Variants in DCC observed in about 807,000 individuals in gnomAD.
DCC encodes DCC netrin 1 receptor.
Under a neutral mutation model 172.5 loss-of-function variants are expected in DCC, and 58 were observed. The observed-to-expected ratio is 0.34, with a 90% CI of 0.27 to 0.42. The LOEUF (loss-of-function observed/expected upper bound fraction) is 0.42, where lower values mean the gene tolerates loss of function less well. Ranked by LOEUF, DCC falls within the 10% of genes least tolerant of loss-of-function variation. The pLI is 1.00. For missense variants in DCC, 1,740 were observed against 1,791.0 expected (o/e 0.97, Z 0.51); for synonymous variants, 709 against 644.5 (o/e 1.10, Z -1.52).
intron 14 of DCC, among the ~76,000 whole-genome samples, chr18:53,333,699 G>T (rs2057558508): frequency 6.6e-6 from 1 of 152,186 alleles, no homozygotes. Flanking sequence ...GGCCTACAAT[G>T]TGGTTTGAGA....
chr18:53,429,211 GCT>G (rs145415095), intron 21 of DCC, among the ~76,000 whole-genome samples: 58,419 of 137,364 alleles, frequency 0.43, 14,188 homozygotes, highest in Non-Finnish European at 0.55. Context: ...TTACTTTGGT[GCT>G]TGCAAAAAAT....
intron 3 of DCC, among the ~76,000 whole-genome samples, chr18:52,911,943 C>A (rs2039976825): frequency 6.6e-6 from 1 of 151,878 alleles, no homozygotes; most frequent in African/African-American, 2.4e-5. Flanking sequence ...CAGATGAAGT[C>A]CATGTTTTCT....
At chr18:52,952,244 T>C (rs2040660481) in intron 5 of DCC, among the ~76,000 whole-genome samples, 1 of 152,210 alleles carries the variant, frequency 6.6e-6, no homozygotes, top group Non-Finnish European at 1.5e-5. Flanking sequence ...TCTCAAGTAT[T>C]TTCAACTTGA....
At chr18:53,238,732 T>C (rs2056241684) in intron 12 of DCC, among the ~76,000 whole-genome samples, 1 of 151,958 alleles carries the variant, frequency 6.6e-6, no homozygotes, top group Non-Finnish European at 1.5e-5. Context: ...CAGCCAAACA[T>C]GTAAAAGTGA....
At chr18:52,795,401 T>G (rs2037855343) in intron 2 of DCC, among the ~76,000 whole-genome samples, 1 of 152,010 alleles carries the variant, frequency 6.6e-6, no homozygotes. Flanking sequence ...CTAATTTGTT[T>G]GCATAGAGTT....
chr18:52,949,598 G>A (rs77897356), intron 5 of DCC, among the ~76,000 whole-genome samples: 9,001 of 152,262 alleles, frequency 0.059, 359 homozygotes, highest in South Asian at 0.15. Context: ...AAATAGCCCT[G>A]AAGATTTAAT....
At chr18:52,342,903 CA>C (rs1220246577) in intron 1 of DCC, among the ~76,000 whole-genome samples, 1 of 152,010 alleles carries the variant, frequency 6.6e-6, no homozygotes, top group Non-Finnish European at 1.5e-5. Flanking sequence ...ATTTCTTGTC[CA>C]GAGAGTCAGG....
At chr18:52,934,579 T>C (rs1426420899) in intron 5 of DCC, among the ~76,000 whole-genome samples, 1 of 152,194 alleles carries the variant, frequency 6.6e-6, no homozygotes, top group East Asian at 1.9e-4. Context: ...TTGTAAGCTT[T>C]CCATTGAGAT....
rs73458994 is a variant in DCC at position 52,943,497 on chromosome 18, G to A, written c.985+18127G>A. ...GAAGAGTACATCTGAGAGTTCAAGGGTACAAACAGTAAAAATGTTTTGTAA... is the reference window on the plus strand; with the variant it reads ...GAAGAGTACATCTGAGAGTTCAAGGATACAAACAGTAAAAATGTTTTGTAA... On this transcript the variant is annotated intron_variant, in intron 5 of 28. Coordinates refer to ENST00000442544, the MANE Select transcript of DCC (RefSeq NM_005215.4). 1.1e-3 allele frequency among the ~76,000 whole-genome samples: 163 copies of A among 152,186 alleles called. 1 individual carries two copies. Among genetic ancestry groups the A allele is most frequent in the African/African-American group, 3.9e-3 (160 of 41,512 alleles).
intron 27 of DCC, among the ~76,000 whole-genome samples, chr18:53,526,031 C>T (rs973749074): frequency 1.3e-5 from 2 of 152,108 alleles, no homozygotes; most frequent in African/African-American, 4.8e-5. Context: ...TTATGATTTT[C>T]ATGAGCAGCA....
chr18:52,863,847 CAAGGACCTTA>C (rs199534248), intron 2 of DCC, among the ~76,000 whole-genome samples: 3,174 of 152,028 alleles, frequency 0.021, 57 homozygotes, highest in Admixed American at 0.04. Flanking sequence ...ATCATAAAAG[CAAGGACCTTA>C]AAGGACCTTA....
chr18:52,641,715 A>C (rs1174392701), intron 1 of DCC, among the ~76,000 whole-genome samples: 1 of 152,168 alleles, frequency 6.6e-6, no homozygotes, highest in South Asian at 2.1e-4. Context: ...TAAAAAAAAC[A>C]GTAGATGGTG....
intron 1 of DCC, among the ~76,000 whole-genome samples, chr18:52,677,448 T>C (rs1485897485): frequency 6.6e-6 from 1 of 152,064 alleles, no homozygotes; most frequent in Non-Finnish European, 1.5e-5. Flanking sequence ...CTATGTTTCA[T>C]TGTTCTGCCA....
At chr18:52,385,912 T>C (rs1353525960) in intron 1 of DCC, among the ~76,000 whole-genome samples, 2 of 152,104 alleles carry the variant, frequency 1.3e-5, no homozygotes, top group African/African-American at 4.8e-5. Context: ...ATCTAATTAG[T>C]AGAAAATAAT....
chr18:52,991,246 T>G (rs2064788672), intron 5 of DCC, among the ~76,000 whole-genome samples: 1 of 152,184 alleles, frequency 6.6e-6, no homozygotes, highest in Admixed American at 6.5e-5. Context: ...CTACCTAGTC[T>G]AATTTTTTTA....
chr18:52,447,559 G>A (rs74253970), intron 1 of DCC, among the ~76,000 whole-genome samples: 5 of 152,264 alleles, frequency 3.3e-5, no homozygotes, highest in African/African-American at 1.2e-4. Context: ...CAGAATGGAG[G>A]TGTGCTAGTC....
intron 5 of DCC, among the ~76,000 whole-genome samples, chr18:53,020,829 G>A (rs183478569): frequency 6.6e-6 from 1 of 152,152 alleles, no homozygotes; most frequent in African/African-American, 2.4e-5. Flanking sequence ...GTTTTTAAAT[G>A]AGGGGGAAAA....
intron 27 of DCC, among the ~76,000 whole-genome samples, chr18:53,505,595 G>A (rs2046162479): frequency 6.6e-6 from 1 of 152,168 alleles, no homozygotes; most frequent in East Asian, 1.9e-4. Context: ...ATATGAAACT[G>A]AAGTTAACTA....
At chr18:52,564,332 G>A (rs911965159) in intron 1 of DCC, among the ~76,000 whole-genome samples, 1 of 152,022 alleles carries the variant, frequency 6.6e-6, no homozygotes, top group African/African-American at 2.4e-5. Flanking sequence ...AAATTACTGG[G>A]CTGAGAATCC....
Sources: allele counts gnomAD v4.1 joint callset (sites outside exome capture counted in the v4.1 genomes callset), GRCh38; gene constraint gnomAD v4.1.1; transcripts MANE v1.5; gene names NCBI Gene and HGNC (gene_info 2026-07-23, HGNC 2026-07-21).